The following COG5 variants were observed in gnomAD, a reference collection of about 807,000 sequenced individuals.
COG5 encodes the protein component of oligomeric golgi complex 5, also known as conserved oligomeric Golgi complex subunit 5.
COG5 carries 86 observed loss-of-function variants against 110.4 expected under a neutral mutation model. The ratio of observed to expected loss-of-function variants is 0.78; its 90% confidence interval spans 0.65 to 0.93. The LOEUF is 0.93. COG5 is among the 40% of genes least tolerant of loss of function. The pLI is 0.00. For missense variants in COG5, 1,077 were observed against 987.0 expected, an observed-to-expected ratio of 1.09 and a Z score of -1.22; for synonymous variants, 360 against 334.6, an observed-to-expected ratio of 1.08 and a Z score of -0.83.
intron 14 of COG5, among the ~76,000 whole-genome samples, chr7:107,261,291 T>A (rs1276521737): frequency 6.6e-6 from 1 of 152,106 alleles, no homozygotes; most frequent in Non-Finnish European, 1.5e-5. Context: ...TTACATTTTA[T>A]CCTGTTTGCT....
At chr7:107,530,831 T>A (rs1371736340) in intron 5 of COG5, among the ~76,000 whole-genome samples, 1 of 152,032 alleles carries the variant, frequency 6.6e-6, no homozygotes, top group Non-Finnish European at 1.5e-5. Context: ...TCCCTCCCTG[T>A]TTTTTTATCT....
At chr7:107,372,791 G>A in intron 7 of COG5, 31 bp from the exon 8 acceptor site, 1 of 1,607,882 alleles carries the variant, frequency 6.2e-7, no homozygotes, top group Non-Finnish European at 8.5e-7. Flanking sequence ...GGTGGAAACA[G>A]ATATAAATAG....
chr7:107,501,830 C>T (rs1046018616), intron 6 of COG5, among the ~76,000 whole-genome samples: 1 of 151,972 alleles, frequency 6.6e-6, no homozygotes, highest in Admixed American at 6.6e-5. Context: ...AATTTAGAGA[C>T]CATTTAAATC....
intron 16 of COG5, among the ~76,000 whole-genome samples, chr7:107,253,941 T>A (rs991352902): frequency 6.6e-6 from 1 of 152,130 alleles, no homozygotes; most frequent in Admixed American, 6.6e-5. Context: ...TCCATCCCCA[T>A]TCTCTATCCT....
At chr7:107,484,540 G>A (rs1463911421) in intron 6 of COG5, among the ~76,000 whole-genome samples, 1 of 152,082 alleles carries the variant, frequency 6.6e-6, no homozygotes, top group African/African-American at 2.4e-5. Flanking sequence ...TGACTCTCAT[G>A]GGCCTTACCA....
At chr7:107,563,549 G>C (rs1165968078) in intron 1 of COG5, 37 of 492,064 alleles carry the variant, frequency 7.5e-5, no homozygotes, top group East Asian at 2.6e-4. Flanking sequence ...AGGCATGGGG[G>C]GGGGGGGGGT....
intron 7 of COG5, among the ~76,000 whole-genome samples, chr7:107,405,723 T>G (rs1301346293): frequency 6.6e-6 from 1 of 152,230 alleles, no homozygotes; most frequent in African/African-American, 2.4e-5. Flanking sequence ...TCTTTCCTCC[T>G]CAATTCATAT....
At chr7:107,492,348 G>T (rs969920652) in intron 6 of COG5, among the ~76,000 whole-genome samples, 1 of 151,936 alleles carries the variant, frequency 6.6e-6, no homozygotes, top group South Asian at 2.1e-4. Context: ...TATTGCTACC[G>T]TAACAAATTA....
At chr7:107,264,625 G>A (rs1562940451) in intron 14 of COG5, among the ~76,000 whole-genome samples, 1 of 152,010 alleles carries the variant, frequency 6.6e-6, no homozygotes, top group Non-Finnish European at 1.5e-5. Flanking sequence ...CCCAAGAGGT[G>A]GAGATTGCAG....
intron 7 of COG5, among the ~76,000 whole-genome samples, chr7:107,409,394 C>A: frequency 6.6e-6 from 1 of 151,108 alleles, no homozygotes; most frequent in Admixed American, 6.6e-5. Flanking sequence ...CAGTAGATTA[C>A]TGAAAGTAAT....
Position 107,203,422 on chromosome 7 carries a change from AATAGTAG to A in COG5, c.*87_*93del, listed in dbSNP as rs1798503699. The A allele has an allele frequency of 3.6e-6, 3 of 830,728 alleles. No individual in the cohort carries two copies. The highest frequency in any genetic ancestry group is 3.5e-5 in the Admixed American group (2 of 57,140). The allele number at this position is 830,728 out of a possible 1,614,324, so 51.5% of individuals were successfully genotyped here. ...ACCGAACAATCAATTACATTCTTAA[AATAGTAG>A]ATAGTAGCAGTCTTTTGGAGTATGT... On this transcript the variant is annotated 3_prime_UTR_variant, in exon 22 of 22. Transcript: ENST00000297135.
chr7:107,230,891 G>A (rs1055012435), intron 18 of COG5, among the ~76,000 whole-genome samples, 200 bp from the exon 19 acceptor site: 1 of 149,864 alleles, frequency 6.7e-6, no homozygotes, highest in Non-Finnish European at 1.5e-5. Flanking sequence ...GAGGGCCCAA[G>A]ATGAGACAAT....
intron 10 of COG5, among the ~76,000 whole-genome samples, chr7:107,355,388 T>C (rs1425244141): frequency 6.6e-5 from 10 of 152,124 alleles, no homozygotes; most frequent in Non-Finnish European, 1.2e-4. Context: ...AGTCTAACAA[T>C]ACAGTCAGCA....
At chr7:107,512,854 C>A (rs368223519) in intron 6 of COG5, among the ~76,000 whole-genome samples, 31 of 151,180 alleles carry the variant, frequency 2.1e-4, no homozygotes, top group East Asian at 3.9e-4. Context: ...ATGTAGAAAG[C>A]TGAAACTGGA....
At chr7:107,400,608 T>C (rs897277346) in intron 7 of COG5, among the ~76,000 whole-genome samples, 2 of 152,112 alleles carry the variant, frequency 1.3e-5, no homozygotes, top group Non-Finnish European at 2.9e-5. Flanking sequence ...TAGTCCGTTA[T>C]TGAAAAATTA....
chr7:107,511,041 A>G (rs971844700), intron 6 of COG5, among the ~76,000 whole-genome samples: 2 of 150,440 alleles, frequency 1.3e-5, no homozygotes, highest in South Asian at 2.1e-4. Context: ...AAATAACTAA[A>G]ATCAGAGCAG....
chr7:107,543,935 T>C (rs950705456), intron 5 of COG5, among the ~76,000 whole-genome samples: 11 of 151,624 alleles, frequency 7.3e-5, no homozygotes, highest in Admixed American at 2.6e-4. Context: ...GTGCCAGGCC[T>C]GCCCCCAAGA....
intron 12 of COG5, among the ~76,000 whole-genome samples, chr7:107,290,361 C>T (rs1806059472): frequency 6.6e-6 from 1 of 152,178 alleles, no homozygotes; most frequent in South Asian, 2.1e-4. Flanking sequence ...CCAGGCACAT[C>T]CTTAACCTGT....
chr7:107,226,814 T>C (rs1800373550), intron 19 of COG5, among the ~76,000 whole-genome samples: 1 of 152,200 alleles, frequency 6.6e-6, no homozygotes, highest in Non-Finnish European at 1.5e-5. Flanking sequence ...ATCAAACAAC[T>C]GAGAAAGCAC....
Sources: gnomAD v4.1 joint callset for allele counts (sites outside exome capture counted in the v4.1 genomes callset) on GRCh38, gnomAD v4.1.1 for gene constraint, MANE v1.5 for transcripts, NCBI Gene and HGNC (gene_info 2026-07-23, HGNC 2026-07-21) for gene names.